LPP: variants seen among roughly 807,000 people sequenced by gnomAD.
The protein encoded by LPP is lipoma-preferred partner.
In LPP, 38 loss-of-function variants were observed where a neutral mutation model predicts 60.4. That is an observed-to-expected ratio of 0.63 (90% CI 0.49 to 0.83). The LOEUF (loss-of-function observed/expected upper bound fraction) is 0.83. Among genes scored for constraint, LPP ranks in the 40% least tolerant of loss-of-function variants. LPP has a pLI of 0.00. For missense variants in LPP, 902 were observed against 783.6 expected (o/e 1.15, Z -1.80); for synonymous variants, 328 against 290.8 (o/e 1.13, Z -1.30).
At chr3:188,712,266 T>A (rs950971444) in intron 8 of LPP, 2 of 152,252 alleles carry the variant, frequency 1.3e-5, no homozygotes, top group Admixed American at 1.3e-4. Context: ...TCCTTTATTG[T>A]TCCGTGCTTT....
chr3:188,704,746 C>T (rs1439795576), intron 7 of LPP, among the ~76,000 whole-genome samples: 1 of 146,954 alleles, frequency 6.8e-6, no homozygotes, highest in Non-Finnish European at 1.5e-5. Flanking sequence ...GTGTACACTG[C>T]AGATACCTGT....
intron 3 of LPP, among the ~76,000 whole-genome samples, chr3:188,343,594 T>G (rs1763605383): frequency 6.6e-6 from 1 of 152,286 alleles, no homozygotes; most frequent in East Asian, 1.9e-4. Flanking sequence ...GAAAAGTAAT[T>G]AACTGTATCC....
At chr3:188,760,435 T>TGTGTGTGTGTGTGTGTGTGTGTGC (rs777127864) in intron 9 of LPP, among the ~76,000 whole-genome samples, 153 bp downstream of exon 9, 1 of 151,080 alleles carries the variant, frequency 6.6e-6, no homozygotes, top group Non-Finnish European at 1.5e-5. Context: ...TGTGTGTGTG[T>TGTGTGTGTGTGTGTGTGTGTGTGC]GCGTGCGCGC....
chr3:188,723,738 G>A (rs1577205493), intron 8 of LPP, among the ~76,000 whole-genome samples: 1 of 151,964 alleles, frequency 6.6e-6, no homozygotes, highest in African/African-American at 2.4e-5. Flanking sequence ...AAATAAAGAG[G>A]CACTATAGCA....
At chr3:188,804,690 T>A (rs1748541445) in intron 9 of LPP, among the ~76,000 whole-genome samples, 1 of 152,118 alleles carries the variant, frequency 6.6e-6, no homozygotes, top group African/African-American at 2.4e-5. Context: ...ATGCCTTTTC[T>A]GTTTCTTGCC....
intron 7 of LPP, among the ~76,000 whole-genome samples, chr3:188,674,653 A>G (rs1241959860): frequency 2.0e-5 from 3 of 152,108 alleles, no homozygotes; most frequent in Non-Finnish European, 1.5e-5. Flanking sequence ...TCTTCTTTAC[A>G]TTTTCTCATT....
intron 5 of LPP, among the ~76,000 whole-genome samples, chr3:188,519,073 C>T (rs1344275935): frequency 6.6e-6 from 1 of 152,152 alleles, no homozygotes; most frequent in Non-Finnish European, 1.5e-5. Context: ...ACACTAAAAC[C>T]ACTGGGTGGG....
intron 2 of LPP, among the ~76,000 whole-genome samples, chr3:188,328,241 C>G (rs1758996519): frequency 6.6e-6 from 1 of 152,026 alleles, no homozygotes; most frequent in Non-Finnish European, 1.5e-5. Context: ...ATATTAAAAT[C>G]CATTGGTCAA....
intron 2 of LPP, among the ~76,000 whole-genome samples, chr3:188,321,054 T>G (rs9831426): frequency 4.6e-5 from 7 of 152,170 alleles, no homozygotes; most frequent in Admixed American, 1.3e-4. Context: ...GCCATCACAG[T>G]GTCCTGCAGT....
At chr3:188,514,892 G>A (rs16863396) in intron 5 of LPP, among the ~76,000 whole-genome samples, 89,452 of 151,972 alleles carry the variant, frequency 0.59, 26,860 homozygotes, top group Middle Eastern at 0.73. Flanking sequence ...AAATGGAGTC[G>A]CATGGTTGAA....
chr3:188,210,199 G>C (rs1437354784), intron 1 of LPP, among the ~76,000 whole-genome samples: 2 of 152,044 alleles, frequency 1.3e-5, no homozygotes, highest in African/African-American at 4.8e-5. Context: ...AAGTATACAG[G>C]AGATACTACC....
At chr3:188,234,611 G>A (rs976613024) in intron 2 of LPP, among the ~76,000 whole-genome samples, 1 of 152,188 alleles carries the variant, frequency 6.6e-6, no homozygotes, top group East Asian at 1.9e-4. Flanking sequence ...CTGACACAGA[G>A]ATGGTTAAAA....
intron 3 of LPP, among the ~76,000 whole-genome samples, chr3:188,371,374 T>C (rs1335191391): frequency 6.6e-6 from 1 of 151,530 alleles, no homozygotes; most frequent in Non-Finnish European, 1.5e-5. Context: ...ACACAGTTCC[T>C]GCTTTCAAAA....
At chr3:188,167,112 TC>T (rs1720185570) in intron 1 of LPP, among the ~76,000 whole-genome samples, 1 of 152,220 alleles carries the variant, frequency 6.6e-6, no homozygotes, top group Non-Finnish European at 1.5e-5. Context: ...TCTCTGAACT[TC>T]CAATTCCTCA....
intron 3 of LPP, among the ~76,000 whole-genome samples, chr3:188,360,001 G>T (rs983220316): frequency 1.3e-5 from 2 of 152,074 alleles, no homozygotes; most frequent in African/African-American, 4.8e-5. Flanking sequence ...TAGCTTTTCA[G>T]ACCCAGTCCC....
At chr3:188,632,366 A>C (rs1847988882) in intron 7 of LPP, among the ~76,000 whole-genome samples, 1 of 152,192 alleles carries the variant, frequency 6.6e-6, no homozygotes, top group South Asian at 2.1e-4. Context: ...CATTTGATCT[A>C]ACCTATAGGA....
At chr3:188,617,612 T>C (rs1378414981) in intron 7 of LPP, among the ~76,000 whole-genome samples, 2 of 152,180 alleles carry the variant, frequency 1.3e-5, no homozygotes, top group Non-Finnish European at 2.9e-5. Context: ...TCTATCCTGA[T>C]TTTAAAAGTT....
chr3:188,420,508 T>A (rs1443863963), intron 4 of LPP, among the ~76,000 whole-genome samples: 1 of 152,168 alleles, frequency 6.6e-6, no homozygotes, highest in Non-Finnish European at 1.5e-5. Flanking sequence ...CTCAGAAAAA[T>A]TAATTTAATT....
chr3:188,745,733 C>T (rs1272754258), intron 8 of LPP, among the ~76,000 whole-genome samples: 1 of 152,144 alleles, frequency 6.6e-6, no homozygotes, highest in Non-Finnish European at 1.5e-5. Flanking sequence ...ATGAAACAGA[C>T]TAAGGGGCTC....
Sources: allele counts gnomAD v4.1 joint callset (sites outside exome capture counted in the v4.1 genomes callset), GRCh38; gene constraint gnomAD v4.1.1; transcripts MANE v1.5; gene names NCBI Gene and HGNC (gene_info 2026-07-23, HGNC 2026-07-21).